Variants in KIDINS220 observed in about 807,000 individuals in gnomAD.
KIDINS220 encodes kinase D-interacting substrate of 220 kDa.
KIDINS220 carries 63 observed loss-of-function variants against 157.6 expected under a neutral mutation model. The observed-to-expected ratio is 0.40, with a 90% confidence interval of 0.33 to 0.49. The LOEUF (loss-of-function observed/expected upper bound fraction) is 0.49, where lower values mean the gene tolerates loss of function less well. Among genes scored for constraint, KIDINS220 ranks in the 20% least tolerant of loss-of-function variants. The pLI is 0.66. For missense variants in KIDINS220, 1,772 were observed against 2,171.2 expected (o/e 0.82, Z 3.65); for synonymous variants, 732 against 783.6 (o/e 0.93, Z 1.10).
chr2:8,774,699 TGGA>T, intron 21 of KIDINS220, among the ~76,000 whole-genome samples: 1 of 152,098 alleles, frequency 6.6e-6, no homozygotes, highest in South Asian at 2.1e-4. Context: ...CAGTAAGGGA[TGGA>T]GGAGGAGAAT....
rs536421685 is a variant in KIDINS220 at position 8,731,314 on chromosome 2, C to T, written c.4722G>A (p.Ser1574=). Residue 1574 remains serine (S), a synonymous_variant, in exon 30 of 30, where the codon TCG becomes TCA. Coordinates refer to ENST00000256707, the MANE Select transcript of KIDINS220 (RefSeq NM_020738.4). The surrounding 1 kb of genome is among the most constrained non-coding windows in gnomAD (Gnocchi z 5.2). The part of the protein sequence containing the change: ...RTFIKAKEYL[S]DALLDKKDSS... ...AATCCTTTTTGTCAAGGAGCGCATC[C>T]GATAAATACTCTTTGGCTTTAATGA... 2.0e-5 allele frequency: 33 copies of T among 1,614,024 alleles called. No individual in the cohort carries two copies. The highest frequency in any genetic ancestry group is 1.7e-5 in the Admixed American group (1 of 59,994).
chr2:8,805,771 G>A (rs920124695), intron 7 of KIDINS220, among the ~76,000 whole-genome samples: 14 of 152,172 alleles, frequency 9.2e-5, no homozygotes, highest in Non-Finnish European at 2.9e-5. Context: ...GTTTAGGTAT[G>A]TTTAGATAAA....
intron 26 of KIDINS220, among the ~76,000 whole-genome samples, chr2:8,743,376 G>A (rs1665892887): frequency 6.6e-6 from 1 of 152,114 alleles, no homozygotes; most frequent in South Asian, 2.1e-4. Context: ...CGTCTTTAAG[G>A]CTCCACGGAT....
intron 1 of KIDINS220, among the ~76,000 whole-genome samples, chr2:8,833,392 G>T (rs1679929399): frequency 6.6e-6 from 1 of 151,712 alleles, no homozygotes; most frequent in Admixed American, 6.6e-5. Flanking sequence ...TCATAACCTG[G>T]ATTGTTCTCT....
At chr2:8,746,955 G>A (rs745325018) in intron 26 of KIDINS220, 190 bp downstream of exon 26, 84 of 530,278 alleles carry the variant, frequency 1.6e-4, no homozygotes, top group South Asian at 2.0e-4. Context: ...GAAATAATGG[G>A]TGAAGTTAAA....
At chr2:8,736,773 G>C in intron 27 of KIDINS220, 95 bp downstream of exon 27, 2 of 1,317,480 alleles carry the variant, frequency 1.5e-6, no homozygotes. Flanking sequence ...GGGAATGCAT[G>C]TTTGGGAAGC....
At chr2:8,745,453 C>G (rs756217003) in intron 26 of KIDINS220, among the ~76,000 whole-genome samples, 3 of 152,170 alleles carry the variant, frequency 2.0e-5, no homozygotes, top group African/African-American at 7.2e-5. Flanking sequence ...AGCACCACAA[C>G]GGTTCTCTTT....
At chr2:8,768,403 G>A (rs887581618) in intron 22 of KIDINS220, among the ~76,000 whole-genome samples, 2 of 151,938 alleles carry the variant, frequency 1.3e-5, no homozygotes, top group Admixed American at 6.6e-5. Context: ...TATTTAATTC[G>A]CTGAAATTGC....
In KIDINS220 at chr2:8,817,669, G is replaced by A; in HGVS notation, c.255C>T (p.His85=). 1.2e-6 allele frequency: 2 copies of A among 1,608,078 alleles called. No homozygotes were observed. The highest frequency in any genetic ancestry group is 8.5e-7 in the Non-Finnish European group (1 of 1,176,666). ...LISASKEGHV[H]IVEELLKCGV... is the part of the protein sequence containing the mutation. Reference sequence around the variant, plus strand: ...CACATTTCAGTAGTTCCTCTACGATGTGCACATGCCCTTCTTTCGATGCAG... The same window carrying A: ...CACATTTCAGTAGTTCCTCTACGATATGCACATGCCCTTCTTTCGATGCAG... The change falls in exon 4 of 30, where the codon CAC becomes CAT. Residue 85 remains histidine, a synonymous_variant. Coordinates refer to ENST00000256707, the MANE Select transcript of KIDINS220 (RefSeq NM_020738.4).
chr2:8,794,257 G>A (rs1673605368), intron 11 of KIDINS220: 1 of 238,964 alleles, frequency 4.2e-6, no homozygotes, highest in African/African-American at 2.3e-5. Flanking sequence ...TGAAAGAGGA[G>A]AAGCAACAGG....
intron 7 of KIDINS220, among the ~76,000 whole-genome samples, 192 bp from the exon 8 acceptor site, chr2:8,803,319 T>A (rs939242696): frequency 4.0e-5 from 6 of 149,072 alleles, no homozygotes; most frequent in African/African-American, 1.0e-4. Context: ...GAGGTATCTT[T>A]TGTTTTTGAA....
Position 8,818,808 on chromosome 2 carries a change from A to G in KIDINS220, c.109-15T>C. On this transcript the variant is annotated splice_polypyrimidine_tract_variant and intron_variant, in intron 2 of 29. Transcript: ENST00000256707. ...GTCTGGCCACACTAGAGAATATAAA[A>G]GACAAAGGGAACTTATCAAGTTACT... 1 of 1,476,252 alleles carries G rather than the reference A, an allele frequency of 6.8e-7. No individual in the cohort carries two copies. The highest frequency in any genetic ancestry group is 1.4e-5 in the African/African-American group (1 of 71,226). 91.4% of individuals were successfully genotyped at this position (1,476,252 alleles called of 1,614,324 possible). A position where few individuals can be genotyped will look rare whatever the true frequency, so the allele number is the denominator to read the frequency against.
chr2:8,739,061 A>T (rs1390050016), intron 26 of KIDINS220, among the ~76,000 whole-genome samples: 2 of 152,228 alleles, frequency 1.3e-5, no homozygotes, highest in African/African-American at 4.8e-5. Context: ...AATGTAAAAT[A>T]CTGAGGAGAA....
intron 26 of KIDINS220, among the ~76,000 whole-genome samples, chr2:8,744,442 ATATG>A (rs1572465121): frequency 2.8e-5 from 3 of 108,986 alleles, no homozygotes; most frequent in East Asian, 5.8e-4. Flanking sequence ...ATATATATAT[ATATG>A]GGATCATCTC....
chr2:8,798,359 C>A, intron 9 of KIDINS220, 59 bp from the exon 10 acceptor site: 1 of 914,662 alleles, frequency 1.1e-6, no homozygotes, highest in Non-Finnish European at 1.8e-6. Flanking sequence ...AAAACTGCTA[C>A]TTATAAATAC....
rs374208588 is a variant in KIDINS220, at chr2:8,736,976, T to C, written c.3609A>G (p.Pro1203=). The change falls in exon 27 of 30, where the codon CCA becomes CCG. Residue 1203 remains proline (P), a synonymous_variant. Transcript: ENST00000256707. ...CATTCAGTGAATTCAGTAATACCACTGGGCCTGGGGCTGGGCCTGACCCCT... is the reference window on the plus strand; with the variant it reads ...CATTCAGTGAATTCAGTAATACCACCGGGCCTGGGGCTGGGCCTGACCCCT... ...SSRGSGPAPG[P]VVLLNSLNVD... is the part of the protein sequence containing the mutation. The C allele has an allele frequency of 3.7e-6, 6 of 1,614,036 alleles. No homozygotes were observed. The highest frequency in any genetic ancestry group is 5.1e-6 in the Non-Finnish European group (6 of 1,180,030).
At chr2:8,741,214 T>A (rs953875282) in intron 26 of KIDINS220, among the ~76,000 whole-genome samples, 17 of 152,290 alleles carry the variant, frequency 1.1e-4, no homozygotes, top group African/African-American at 3.6e-4. Flanking sequence ...ACTTAAGAAA[T>A]ACTAGGTCAA....
chr2:8,805,540 C>T (rs1675325312), intron 7 of KIDINS220, among the ~76,000 whole-genome samples: 1 of 152,096 alleles, frequency 6.6e-6, no homozygotes. Flanking sequence ...TGGAACTGAT[C>T]CAGAGCTGTT....
chr2:8,726,210 A>G (rs1434306266), downstream of KIDINS220, among the ~76,000 whole-genome samples: 1 of 152,106 alleles, frequency 6.6e-6, no homozygotes, highest in African/African-American at 2.4e-5. Context: ...AAAATGCCAC[A>G]CTGTACTGGG....
Sources: allele counts gnomAD v4.1 joint callset (sites outside exome capture counted in the v4.1 genomes callset), GRCh38; gene constraint gnomAD v4.1.1; non-coding constraint Gnocchi (gnomAD v3.1); transcripts MANE v1.5; gene names NCBI Gene and HGNC (gene_info 2026-07-23, HGNC 2026-07-21).